Variants in PTPRT observed in about 807,000 individuals in gnomAD.
The protein encoded by PTPRT is receptor-type tyrosine-protein phosphatase T.
In PTPRT, 56 loss-of-function variants were observed where a neutral mutation model predicts 176.8. The observed-to-expected ratio is 0.32, with a 90% confidence interval of 0.26 to 0.40. The LOEUF (loss-of-function observed/expected upper bound fraction) is 0.40, where lower values mean the gene tolerates loss of function less well. PTPRT is among the 10% of genes least tolerant of loss of function. The pLI is 1.00. For synonymous variants in PTPRT, 783 were observed against 739.0 expected, an observed-to-expected ratio of 1.06 and a Z score of -0.96; for missense variants, 1,540 against 1,908.2, an observed-to-expected ratio of 0.81 and a Z score of 3.60.
At chr20:42,765,763 A>G (rs2076974264) in intron 5 of PTPRT, among the ~76,000 whole-genome samples, 1 of 152,054 alleles carries the variant, frequency 6.6e-6, no homozygotes, top group South Asian at 2.1e-4. Flanking sequence ...GCTTAATATT[A>G]TATGACTCTA....
intron 7 of PTPRT, among the ~76,000 whole-genome samples, chr20:42,555,332 T>C (rs1007691989): frequency 6.6e-6 from 1 of 152,168 alleles, no homozygotes; most frequent in African/African-American, 2.4e-5. Flanking sequence ...GAAATACTGA[T>C]AAAAATCCCT....
chr20:42,646,882 C>CTTTTTTTTTTTTTTTTTTTTTTTTTTT, intron 7 of PTPRT, among the ~76,000 whole-genome samples: 1 of 76,224 alleles, frequency 1.3e-5, no homozygotes, highest in African/African-American at 7.5e-5. Flanking sequence ...CTAAGACAGC[C>CTTTTTTTTTTTTTTTTTTTTTTTTTTT]TTTTTTTTTT....
In PTPRT at chr20:42,941,081, C is replaced by CA. The variant is rs540543601; in HGVS notation, c.89-55150dup. On this transcript the variant is annotated intron_variant, in intron 1 of 30. Coordinates refer to ENST00000373187, the MANE Select transcript of PTPRT (RefSeq NM_007050.6). The stretch of plus-strand genomic sequence containing the variant: ...TGGGCGACAGAGCAAGACTCCATCT[C>CA]AAAAAAAAATAATAATAATAATAAT... Among the ~76,000 whole-genome samples, 321 of 148,124 alleles carry CA rather than the reference C, an allele frequency of 2.2e-3. 4 individuals carry two copies. The highest frequency in any genetic ancestry group is 8.3e-3 in the South Asian group (39 of 4,674).
chr20:42,139,584 TG>T (rs1256892339), intron 18 of PTPRT, among the ~76,000 whole-genome samples: 1 of 152,230 alleles, frequency 6.6e-6, no homozygotes, highest in Non-Finnish European at 1.5e-5. Flanking sequence ...GGGCTTCTCC[TG>T]GGGGTATTAA....
intron 2 of PTPRT, among the ~76,000 whole-genome samples, chr20:42,855,507 C>T (rs1225617078): frequency 6.7e-6 from 1 of 148,288 alleles, no homozygotes; most frequent in African/African-American, 2.5e-5. Flanking sequence ...TCTCGGCTCA[C>T]TGCAACCTCC....
At chr20:42,410,742 A>T (rs1264603224) in intron 9 of PTPRT, among the ~76,000 whole-genome samples, 1 of 152,170 alleles carries the variant, frequency 6.6e-6, no homozygotes, top group Non-Finnish European at 1.5e-5. Context: ...ACTATAGTAG[A>T]TTTAAACTAA....
chr20:42,100,756 G>A (rs764490660), intron 26 of PTPRT, among the ~76,000 whole-genome samples: 7 of 152,138 alleles, frequency 4.6e-5, no homozygotes, highest in Admixed American at 6.5e-5. Context: ...ACATACATGC[G>A]CTCATTGACT....
chr20:42,411,269 AC>A, intron 9 of PTPRT, among the ~76,000 whole-genome samples: 1 of 152,172 alleles, frequency 6.6e-6, no homozygotes, highest in Admixed American at 6.5e-5. Flanking sequence ...ACACGGTGAA[AC>A]CCCATCTCTA....
At chr20:43,026,312 T>A (rs1985910243) in intron 1 of PTPRT, among the ~76,000 whole-genome samples, 1 of 152,092 alleles carries the variant, frequency 6.6e-6, no homozygotes, top group African/African-American at 2.4e-5. Context: ...GAGACAGGAT[T>A]TTACCATATT....
At chr20:42,782,895 A>G (rs187731324) in intron 3 of PTPRT, among the ~76,000 whole-genome samples, 3 of 152,358 alleles carry the variant, frequency 2.0e-5, no homozygotes, top group African/African-American at 7.2e-5. Flanking sequence ...AAAATGATGA[A>G]AAAGACATGG....
At chr20:42,503,688 T>C (rs1161481447) in intron 7 of PTPRT, among the ~76,000 whole-genome samples, 3 of 152,116 alleles carry the variant, frequency 2.0e-5, no homozygotes, top group Non-Finnish European at 4.4e-5. Flanking sequence ...ATTGTTCTTA[T>C]TAATTGTGTC....
intron 9 of PTPRT, among the ~76,000 whole-genome samples, chr20:42,359,673 A>G (rs2058405291): frequency 6.6e-6 from 1 of 152,216 alleles, no homozygotes; most frequent in South Asian, 2.1e-4. Context: ...GGCCCTGGAG[A>G]CAACAGAACA....
intron 7 of PTPRT, among the ~76,000 whole-genome samples, chr20:42,588,598 A>G (rs1012504241): frequency 1.6e-4 from 25 of 152,230 alleles, no homozygotes; most frequent in African/African-American, 6.0e-4. Flanking sequence ...GTTTTTAATG[A>G]TTATGCATTT....
At chr20:42,123,899 T>G (rs1385176129) in intron 19 of PTPRT, among the ~76,000 whole-genome samples, 1 of 152,198 alleles carries the variant, frequency 6.6e-6, no homozygotes, top group African/African-American at 2.4e-5. Flanking sequence ...TATTCTTTCT[T>G]CATTTACATG....
intron 7 of PTPRT, among the ~76,000 whole-genome samples, chr20:42,526,282 C>T (rs2072266859): frequency 6.6e-6 from 1 of 152,110 alleles, no homozygotes; most frequent in Non-Finnish European, 1.5e-5. Context: ...GTATGTTAGA[C>T]TCCTTTGTCT....
chr20:42,172,509 T>A (rs1218150897), intron 16 of PTPRT, among the ~76,000 whole-genome samples: 1 of 152,216 alleles, frequency 6.6e-6, no homozygotes, highest in East Asian at 1.9e-4. Context: ...CACCAGCCCA[T>A]CACCTGGGTG....
intron 7 of PTPRT, among the ~76,000 whole-genome samples, chr20:42,534,216 T>C (rs1369592766): frequency 6.6e-6 from 1 of 152,226 alleles, no homozygotes; most frequent in Non-Finnish European, 1.5e-5. Context: ...TTGCCTTCAT[T>C]GGGAGCTTTC....
chr20:43,101,233 A>G (rs1017735710), intron 1 of PTPRT, among the ~76,000 whole-genome samples: 1 of 152,162 alleles, frequency 6.6e-6, no homozygotes, highest in African/African-American at 2.4e-5. Context: ...CAGACCTCGC[A>G]GGATTTGCTG....
intron 8 of PTPRT, among the ~76,000 whole-genome samples, chr20:42,453,275 A>G (rs2070863521): frequency 6.6e-6 from 1 of 152,052 alleles, no homozygotes; most frequent in African/African-American, 2.4e-5. Flanking sequence ...TTTTAAAGTG[A>G]GTCCTTTTAT....
Sources: gnomAD v4.1 joint callset for allele counts (sites outside exome capture counted in the v4.1 genomes callset) on GRCh38, gnomAD v4.1.1 for gene constraint, MANE v1.5 for transcripts, NCBI Gene and HGNC (gene_info 2026-07-23, HGNC 2026-07-21) for gene names.